Variants in GPC6 observed in about 807,000 individuals in gnomAD.
The protein encoded by GPC6 is glypican 6, also known as glypican-6.
Under a neutral mutation model 55.2 loss-of-function variants are expected in GPC6, and 14 were observed. The ratio of observed to expected loss-of-function variants is 0.25; its 90% CI spans 0.17 to 0.40. GPC6 has a LOEUF of 0.40. GPC6 is among the 10% of genes least tolerant of loss of function. The pLI, the probability that GPC6 is intolerant of heterozygous loss-of-function variation, is 1.00. For missense variants in GPC6, 641 were observed against 708.5 expected, an observed-to-expected ratio of 0.90 and a Z score of 1.08; for synonymous variants, 278 against 259.6, an observed-to-expected ratio of 1.07 and a Z score of -0.68.
upstream of GPC6, among the ~76,000 whole-genome samples, chr13:93,224,831 C>G (rs187516998): frequency 6.6e-6 from 1 of 152,212 alleles, no homozygotes; most frequent in Admixed American, 6.5e-5. Context: ...TTATCTAATT[C>G]TTTGGTCTGA....
At chr13:94,286,177 T>C (rs1323574714) in intron 4 of GPC6, among the ~76,000 whole-genome samples, 172 bp from the exon 5 acceptor site, 1 of 152,232 alleles carries the variant, frequency 6.6e-6, no homozygotes, top group East Asian at 1.9e-4. Flanking sequence ...TCAAACAAAA[T>C]ACAATCGTCC....
rs147603783 is a variant in GPC6 at position 94,298,440 on chromosome 13, C to G, written c.1009-7540C>G. 5.2e-3 allele frequency among the ~76,000 whole-genome samples: 792 copies of G among 152,280 alleles called. 6 individuals carry two copies. Among genetic ancestry groups the G allele is most frequent in the African/African-American group, 0.018 (747 of 41,562 alleles). The stretch of plus-strand genomic sequence containing the variant: ...TACAACTGCTCCAATGTACAGGTGC[C>G]GCTGTTTATCATTTTGACAGATTGG... On this transcript the variant is annotated intron_variant, in intron 5 of 8. Coordinates refer to ENST00000377047, the MANE Select transcript of GPC6 (RefSeq NM_005708.5).
At chr13:93,249,909 A>G (rs149438561) in intron 1 of GPC6, among the ~76,000 whole-genome samples, 1 of 152,166 alleles carries the variant, frequency 6.6e-6, no homozygotes, top group African/African-American at 2.4e-5. Context: ...CTTCTTGCTC[A>G]TATAACCTGT....
At chr13:93,652,865 G>A (rs1880479455) in intron 2 of GPC6, among the ~76,000 whole-genome samples, 1 of 152,158 alleles carries the variant, frequency 6.6e-6, no homozygotes, top group African/African-American at 2.4e-5. Context: ...TTGACTTTCG[G>A]TATAAAAATA....
intron 6 of GPC6, among the ~76,000 whole-genome samples, chr13:94,326,236 C>CAG (rs917774343): frequency 6.6e-6 from 1 of 151,250 alleles, no homozygotes; most frequent in Non-Finnish European, 1.5e-5. Context: ...CACACACACA[C>CAG]AGGCACATAT....
At chr13:94,165,497 T>C (rs1888337204) in intron 4 of GPC6, among the ~76,000 whole-genome samples, 1 of 151,488 alleles carries the variant, frequency 6.6e-6, no homozygotes, top group African/African-American at 2.4e-5. Context: ...TCAGGGGAAA[T>C]GGTGGGAGGG....
intron 2 of GPC6, among the ~76,000 whole-genome samples, chr13:93,602,059 G>C (rs1176808984): frequency 6.6e-6 from 1 of 152,088 alleles, no homozygotes; most frequent in African/African-American, 2.4e-5. Flanking sequence ...ACATTCTGTA[G>C]AATAAAATGT....
intron 2 of GPC6, among the ~76,000 whole-genome samples, chr13:93,721,354 CTAT>C (rs772891241): frequency 1.3e-5 from 2 of 151,546 alleles, no homozygotes; most frequent in Admixed American, 6.6e-5. Context: ...CTGAAAACAA[CTAT>C]TATTATTAAA....
At chr13:93,282,712 C>T (rs1244251768) in intron 1 of GPC6, among the ~76,000 whole-genome samples, 1 of 150,018 alleles carries the variant, frequency 6.7e-6, no homozygotes, top group Non-Finnish European at 1.5e-5. Context: ...CCTTTCTCCC[C>T]CTTCCATGGA....
intron 4 of GPC6, among the ~76,000 whole-genome samples, chr13:94,058,638 C>A (rs1054790517): frequency 6.6e-6 from 1 of 152,166 alleles, no homozygotes; most frequent in African/African-American, 2.4e-5. Context: ...AAGCCTGGGG[C>A]AGTTCCTCTC....
At chr13:93,681,049 TCTTATGTCCACATTA>T (rs1881828384) in intron 2 of GPC6, among the ~76,000 whole-genome samples, 1 of 152,298 alleles carries the variant, frequency 6.6e-6, no homozygotes, top group East Asian at 1.9e-4. Flanking sequence ...TATGGCTGTG[TCTTATGTCCACATTA>T]CATTTGTCAT....
intron 4 of GPC6, among the ~76,000 whole-genome samples, chr13:94,152,546 T>C (rs945858203): frequency 3.3e-5 from 5 of 152,044 alleles, no homozygotes; most frequent in African/African-American, 1.2e-4. Flanking sequence ...AAATGTAAAG[T>C]ATAATAGGAA....
At chr13:93,783,432 T>A (rs1885719702) in intron 2 of GPC6, among the ~76,000 whole-genome samples, 1 of 152,074 alleles carries the variant, frequency 6.6e-6, no homozygotes, top group African/African-American at 2.4e-5. Context: ...TTGAACTAAA[T>A]TTACCCTCCC....
intron 4 of GPC6, among the ~76,000 whole-genome samples, chr13:94,064,841 TTAATCATCC>T (rs1348371554): frequency 6.6e-6 from 1 of 152,186 alleles, no homozygotes; most frequent in Non-Finnish European, 1.5e-5. Flanking sequence ...TCATAATTTA[TTAATCATCC>T]TTTAAACCTC....
intron 4 of GPC6, among the ~76,000 whole-genome samples, chr13:94,174,356 T>C (rs940640383): frequency 6.6e-6 from 1 of 151,898 alleles, no homozygotes; most frequent in African/African-American, 2.4e-5. Flanking sequence ...AATGAAGAAA[T>C]ATCAAATAGG....
intron 3 of GPC6, among the ~76,000 whole-genome samples, chr13:93,981,167 G>A (rs569227409): frequency 3.6e-4 from 55 of 152,078 alleles, no homozygotes; most frequent in Middle Eastern, 3.4e-3. Flanking sequence ...CCTTATTATC[G>A]TTGATCACTG....
At chr13:93,705,107 T>C (rs1933774) in intron 2 of GPC6, among the ~76,000 whole-genome samples, 34,448 of 151,932 alleles carry the variant, frequency 0.23, 5,062 homozygotes, top group East Asian at 0.46. Context: ...CTTTGGTACA[T>C]AAAATATGAA....
intron 4 of GPC6, among the ~76,000 whole-genome samples, chr13:94,057,888 G>A (rs1884183481): frequency 6.6e-6 from 1 of 152,154 alleles, no homozygotes; most frequent in Admixed American, 6.6e-5. Flanking sequence ...GAAACATGCT[G>A]TATTCAAACT....
At chr13:94,060,629 C>T (rs963533036) in intron 4 of GPC6, among the ~76,000 whole-genome samples, 45 of 152,214 alleles carry the variant, frequency 3.0e-4, no homozygotes, top group African/African-American at 1.1e-3. Context: ...TTCGAGCTTC[C>T]AGTAGAACTC....
Sources: gnomAD v4.1 joint callset for allele counts (sites outside exome capture counted in the v4.1 genomes callset) on GRCh38, gnomAD v4.1.1 for gene constraint, MANE v1.5 for transcripts, NCBI Gene and HGNC (gene_info 2026-07-23, HGNC 2026-07-21) for gene names.